The following NLGN4X variants were observed in gnomAD, a reference collection of about 807,000 sequenced individuals.
NLGN4X encodes the protein neuroligin-4, X-linked.
A neutral mutation model predicts 40.3 loss-of-function variants in NLGN4X; 3 were observed. The observed-to-expected ratio is 0.07, with a 90% CI of 0.03 to 0.19. The LOEUF (loss-of-function observed/expected upper bound fraction) is 0.19, where lower values mean the gene tolerates loss of function less well. Ranked by LOEUF, NLGN4X falls within the 10% of genes least tolerant of loss-of-function variation. The pLI is 1.00. For missense variants in NLGN4X, 382 were observed against 708.3 expected (o/e 0.54, Z 5.23); for synonymous variants, 270 against 306.8 (o/e 0.88, Z 1.25).
intron 2 of NLGN4X, among the ~76,000 whole-genome samples, chrX:6,042,730 T>TATATATATATATAC (rs1215396694): frequency 2.4e-3 from 48 of 20,146 alleles, no homozygotes; most frequent in Non-Finnish European, 3.6e-3. Context: ...TATATATATA[T>TATATATATATATAC]ACACACACAC....
chrX:6,175,611 C>T (rs2040709266), intron 1 of NLGN4X, among the ~76,000 whole-genome samples: 1 of 87,874 alleles, frequency 1.1e-5, no homozygotes, highest in Admixed American at 1.5e-4. Flanking sequence ...TGACAACCTA[C>T]AGTTGTTTTT....
chrX:6,132,724 T>G lies in NLGN4X; in HGVS notation c.472+18271A>C, dbSNP rs915474521. 3.6e-5 allele frequency among the ~76,000 whole-genome samples: 4 copies of G among 111,590 alleles called. No individual in the cohort carries two copies. The Admixed American group carries it at 3.8e-4, about 11-fold the overall frequency. ...GGCTGCCCTGTCTTCCCCCAACAAC[T>G]TGGACTTATCCCTCCTTTATTCATC... On this transcript the variant is annotated intron_variant, in intron 2 of 5. Transcript: ENST00000381095.
chrX:5,907,004 C>G, intron 4 of NLGN4X, among the ~76,000 whole-genome samples: 1 of 109,728 alleles, frequency 9.1e-6, no homozygotes, highest in Non-Finnish European at 1.9e-5. Context: ...CGCTTTGAAT[C>G]CAGAAGGTGG....
At chrX:6,131,445 G>C (rs1207139490) in intron 2 of NLGN4X, among the ~76,000 whole-genome samples, 1 of 111,976 alleles carries the variant, frequency 8.9e-6, no homozygotes, top group Non-Finnish European at 1.9e-5. Context: ...TTCAGGCAGT[G>C]TGCCAAGATA....
Position 6,151,120 on chromosome X carries a change from T to C in NLGN4X, c.347A>G (p.Glu116Gly). ...CAGCATGTCATGCAGTAAGGATCTC[T>C]CATCCAGGTGCTGGGGGCACACAGC... Reference protein sequence around the residue: ...FAAVCPQHLDERSLLHDMLPI... With the variant: ...FAAVCPQHLDGRSLLHDMLPI... The change falls in exon 2 of 6, where the codon GAG becomes GGG. Residue 116 changes from glutamate (E) to glycine (G), a missense_variant. Physicochemically the swap from Glu to Gly is moderately conservative, Grantham distance 98. Coordinates refer to ENST00000381095, the MANE Select transcript of NLGN4X (RefSeq NM_181332.3). 8.3e-7 allele frequency: 1 copy of C among 1,211,537 alleles called. No individual in the cohort carries two copies. The highest frequency in any genetic ancestry group is 1.1e-6 in the Non-Finnish European group (1 of 895,242).
intron 3 of NLGN4X, among the ~76,000 whole-genome samples, chrX:5,927,369 C>T (rs1318223986): frequency 2.7e-5 from 3 of 111,808 alleles, no homozygotes; most frequent in African/African-American, 6.5e-5. Context: ...ATCTCAGAAA[C>T]GACTGGGAGC....
At chrX:5,938,104 T>C (rs945173402) in intron 3 of NLGN4X, among the ~76,000 whole-genome samples, 1 of 111,396 alleles carries the variant, frequency 9.0e-6, no homozygotes, top group Non-Finnish European at 1.9e-5. Context: ...AAAAAAGATT[T>C]TGAGTGTGTG....
intron 3 of NLGN4X, among the ~76,000 whole-genome samples, chrX:6,012,042 T>C (rs5961919): frequency 0.03 from 3,375 of 112,399 alleles, 117 homozygotes; most frequent in East Asian, 0.17. Context: ...TGATTTTAAT[T>C]TTTAGGAACC....
chrX:6,147,169 C>T (rs1007266845), intron 2 of NLGN4X, among the ~76,000 whole-genome samples: 3 of 111,362 alleles, frequency 2.7e-5, no homozygotes, highest in South Asian at 3.8e-4. Flanking sequence ...AAGGGCTTCT[C>T]GCCCCTGAAA....
intron 2 of NLGN4X, among the ~76,000 whole-genome samples, chrX:6,148,833 T>TA (rs1390168186): frequency 1.8e-5 from 2 of 111,749 alleles, no homozygotes; most frequent in African/African-American, 6.5e-5. Flanking sequence ...TCTTCGTTGA[T>TA]AGAGTTAAGA....
chrX:5,981,625 A>T (rs1480821262), intron 3 of NLGN4X, among the ~76,000 whole-genome samples: 1 of 110,740 alleles, frequency 9.0e-6, no homozygotes, highest in African/African-American at 3.3e-5. Context: ...GAAAATATAT[A>T]TTTTTGAGTA....
intron 2 of NLGN4X, among the ~76,000 whole-genome samples, chrX:6,047,295 T>C (rs1209424654): frequency 1.8e-5 from 2 of 110,769 alleles, no homozygotes; most frequent in Non-Finnish European, 3.8e-5. Context: ...CTGGGCAACA[T>C]GGTAAAACCC....
At chrX:5,965,268 T>C (rs2034792291) in intron 3 of NLGN4X, among the ~76,000 whole-genome samples, 2 of 111,918 alleles carry the variant, frequency 1.8e-5, no homozygotes, top group Admixed American at 9.5e-5. Context: ...CACATCCACC[T>C]GGTCTTATTT....
At chrX:5,909,825 T>C (rs1481957252) in intron 3 of NLGN4X, among the ~76,000 whole-genome samples, 3 of 111,294 alleles carry the variant, frequency 2.7e-5, no homozygotes, top group Non-Finnish European at 5.6e-5. Flanking sequence ...GACTCGTAAA[T>C]AGTATACACC....
chrX:5,947,952 G>A (rs1262620615), intron 3 of NLGN4X, among the ~76,000 whole-genome samples: 4 of 112,080 alleles, frequency 3.6e-5, no homozygotes, highest in African/African-American at 1.3e-4. Flanking sequence ...GTGTATTTAA[G>A]TAGGAAATGA....
chrX:6,072,096 C>T (rs1384534543), intron 2 of NLGN4X, among the ~76,000 whole-genome samples: 2 of 110,974 alleles, frequency 1.8e-5, no homozygotes, highest in African/African-American at 3.3e-5. Context: ...TTTTCATGGA[C>T]TGCAACAGAA....
chrX:5,924,505 T>C (rs141621420), intron 3 of NLGN4X, among the ~76,000 whole-genome samples: 1,956 of 111,980 alleles, frequency 0.017, 49 homozygotes, highest in African/African-American at 0.059. Context: ...GAAACTAAGA[T>C]GGCTTTCAGT....
At chrX:6,202,364 G>A (rs1923701488) in intron 1 of NLGN4X, among the ~76,000 whole-genome samples, 1 of 104,508 alleles carries the variant, frequency 9.6e-6, no homozygotes, top group Admixed American at 1.0e-4. Flanking sequence ...TTGAGACAGG[G>A]TCTCACTGTG....
intron 3 of NLGN4X, among the ~76,000 whole-genome samples, chrX:5,984,858 T>TA (rs2035486977): frequency 8.9e-6 from 1 of 112,093 alleles, no homozygotes; most frequent in Non-Finnish European, 1.9e-5. Flanking sequence ...GCTCTGAAAA[T>TA]ATATTTTAGA....
Sources: gnomAD v4.1 joint callset for allele counts (sites outside exome capture counted in the v4.1 genomes callset) on GRCh38, gnomAD v4.1.1 for gene constraint, MANE v1.5 for transcripts, NCBI Gene and HGNC (gene_info 2026-07-23, HGNC 2026-07-21) for gene names.